UMAD1: variants seen among roughly 807,000 people sequenced by gnomAD.
The protein encoded by UMAD1 is UBAP1-MVB12-associated (UMA)-domain containing protein 1.
UMAD1 carries 8 observed loss-of-function variants against 6.1 expected under a neutral mutation model. That is an observed-to-expected ratio of 1.30 (90% CI 0.76 to 2.35). UMAD1 has a LOEUF of 2.35. Among genes scored for constraint, UMAD1 ranks in the 30% most tolerant of loss-of-function variants. The pLI, the probability that UMAD1 is intolerant of heterozygous loss-of-function variation, is 0.00. For synonymous variants in UMAD1, 56 were observed against 31.4 expected (o/e 1.78, Z -2.61); for missense variants, 130 against 78.4 (o/e 1.66, Z -2.49).
At chr7:7,737,647 T>G (rs6958461) in intron 2 of UMAD1, among the ~76,000 whole-genome samples, 13,234 of 152,260 alleles carry the variant, frequency 0.087, 688 homozygotes, top group African/African-American at 0.14. Flanking sequence ...TACTATTATT[T>G]TAAAGTGTAC....
intron 2 of UMAD1, among the ~76,000 whole-genome samples, chr7:7,687,700 G>A (rs891245652): frequency 1.1e-4 from 16 of 152,028 alleles, no homozygotes; most frequent in African/African-American, 3.1e-4. Flanking sequence ...TCCTACAACC[G>A]GTATTTCCAT....
intron 2 of UMAD1, among the ~76,000 whole-genome samples, chr7:7,674,001 G>A (rs1779677375): frequency 6.6e-6 from 1 of 152,158 alleles, no homozygotes; most frequent in African/African-American, 2.4e-5. Context: ...CACCAGGGGA[G>A]TTCTGAAAAG....
chr7:7,803,675 G>A (rs905824986), intron 3 of UMAD1, among the ~76,000 whole-genome samples: 1 of 151,534 alleles, frequency 6.6e-6, no homozygotes, highest in South Asian at 2.1e-4. Context: ...TCAAGGTGCT[G>A]GCAGATTTGT....
At chr7:7,849,123 A>G (rs1361528699) in intron 3 of UMAD1, among the ~76,000 whole-genome samples, 1 of 152,184 alleles carries the variant, frequency 6.6e-6, no homozygotes, top group Non-Finnish European at 1.5e-5. Flanking sequence ...ACATTTATTG[A>G]TTACTTACTG....
chr7:7,642,665 A>C (rs1195500683), intron 1 of UMAD1, among the ~76,000 whole-genome samples: 1 of 152,216 alleles, frequency 6.6e-6, no homozygotes, highest in Non-Finnish European at 1.5e-5. Context: ...TACAGAAAAA[A>C]GTATAGCTAG....
At chr7:7,802,019 T>C (rs1023237930) in intron 3 of UMAD1, among the ~76,000 whole-genome samples, 3 of 152,252 alleles carry the variant, frequency 2.0e-5, no homozygotes, top group African/African-American at 7.2e-5. Flanking sequence ...TATTTTTAAT[T>C]GAGTGATTAT....
intron 2 of UMAD1, among the ~76,000 whole-genome samples, chr7:7,723,248 G>A (rs750014765): frequency 1.2e-4 from 19 of 152,196 alleles, no homozygotes; most frequent in Non-Finnish European, 2.8e-4. Context: ...TGGAGAACAG[G>A]CGTGGGAATT....
chr7:7,800,234 C>G (rs974073377), intron 2 of UMAD1, among the ~76,000 whole-genome samples: 1 of 152,224 alleles, frequency 6.6e-6, no homozygotes, highest in African/African-American at 2.4e-5. Flanking sequence ...ATTTATTCAT[C>G]TAATGTTTAT....
chr7:7,690,036 A>G (rs1780137031), intron 2 of UMAD1, among the ~76,000 whole-genome samples: 2 of 152,168 alleles, frequency 1.3e-5, no homozygotes. Context: ...AATTTTTCCC[A>G]TCTAAAGTGA....
intron 2 of UMAD1, among the ~76,000 whole-genome samples, chr7:7,756,380 T>C (rs1303443960): frequency 6.6e-6 from 1 of 152,178 alleles, no homozygotes; most frequent in Non-Finnish European, 1.5e-5. Context: ...TGACAGAAAA[T>C]CTAGCTTATC....
intron 2 of UMAD1, among the ~76,000 whole-genome samples, chr7:7,680,317 C>G (rs1156363103): frequency 6.6e-6 from 1 of 152,052 alleles, no homozygotes; most frequent in Non-Finnish European, 1.5e-5. Context: ...AATGTATATC[C>G]TTGGCACCCT....
At chr7:7,750,309 G>C (rs1441677819) in intron 2 of UMAD1, among the ~76,000 whole-genome samples, 1 of 152,048 alleles carries the variant, frequency 6.6e-6, no homozygotes, top group Non-Finnish European at 1.5e-5. Context: ...CATCTGTCAG[G>C]CTCTACTAAG....
intron 3 of UMAD1, among the ~76,000 whole-genome samples, chr7:7,876,077 G>T (rs187505078): frequency 6.6e-6 from 1 of 152,268 alleles, no homozygotes; most frequent in African/African-American, 2.4e-5. Flanking sequence ...CAAAAACCAC[G>T]TAAAAGTAAG....
At chr7:7,832,582 C>T (rs934609832) in intron 3 of UMAD1, among the ~76,000 whole-genome samples, 2 of 152,108 alleles carry the variant, frequency 1.3e-5, no homozygotes, top group Admixed American at 6.6e-5. Flanking sequence ...GAAAGGGGAA[C>T]GTTTTTGGCT....
Position 7,825,127 on chromosome 7 carries a change from A to C in UMAD1, c.156+23384A>C, listed in dbSNP as rs76591289. Among the ~76,000 whole-genome samples, 194 of 152,090 alleles carry C rather than the reference A, an allele frequency of 1.3e-3. 5 individuals carry two copies. The East Asian group carries it at 0.037, about 29-fold the overall frequency. On this transcript the variant is annotated intron_variant, in intron 3 of 3. Coordinates refer to ENST00000682710, the MANE Select transcript of UMAD1 (RefSeq NM_001302348.2). ...TGCCTGTCAATATCTTAGAGATGGG[A>C]ATAGAGTGGATAGGAGGTGGGCGCA...
At chr7:7,647,743 C>G (rs1052584265) in intron 1 of UMAD1, among the ~76,000 whole-genome samples, 2 of 152,122 alleles carry the variant, frequency 1.3e-5, no homozygotes, top group Non-Finnish European at 2.9e-5. Flanking sequence ...ACTGCAGGCA[C>G]GTGCCATCAC....
chr7:7,756,311 A>T (rs1220535687), intron 2 of UMAD1, among the ~76,000 whole-genome samples: 1 of 152,210 alleles, frequency 6.6e-6, no homozygotes, highest in Non-Finnish European at 1.5e-5. Flanking sequence ...CAGAGAGTTG[A>T]GAATTAAAGT....
At chr7:7,832,836 G>A (rs747254191) in intron 3 of UMAD1, among the ~76,000 whole-genome samples, 1 of 152,150 alleles carries the variant, frequency 6.6e-6, no homozygotes, top group African/African-American at 2.4e-5. Flanking sequence ...TTCAGTGGAG[G>A]TGGTGATCAC....
intron 2 of UMAD1, among the ~76,000 whole-genome samples, chr7:7,775,200 C>G (rs1782179204): frequency 6.6e-6 from 1 of 152,122 alleles, no homozygotes; most frequent in Non-Finnish European, 1.5e-5. Flanking sequence ...AAAAGATGCT[C>G]AGCATCGGTA....
Sources: gnomAD v4.1 joint callset for allele counts (sites outside exome capture counted in the v4.1 genomes callset) on GRCh38, gnomAD v4.1.1 for gene constraint, MANE v1.5 for transcripts, NCBI Gene and HGNC (gene_info 2026-07-23, HGNC 2026-07-21) for gene names.